The following ADAM18 variants were observed in gnomAD, a reference collection of about 807,000 sequenced individuals.
ADAM18 encodes the protein ADAM metallopeptidase domain 18.
A neutral mutation model predicts 94.4 loss-of-function variants in ADAM18; 117 were observed. The observed-to-expected ratio is 1.24, with a 90% CI of 1.07 to 1.45. ADAM18 has a LOEUF of 1.45. Among genes scored for constraint, ADAM18 ranks in the 40% most tolerant of loss-of-function variants. The probability of loss-of-function intolerance (pLI) is 0.00; values close to 1 mark genes in which losing one functional copy is unlikely to be tolerated. For synonymous variants in ADAM18, 327 were observed against 291.6 expected, an observed-to-expected ratio of 1.12 and a Z score of -1.24; for missense variants, 936 against 880.0, an observed-to-expected ratio of 1.06 and a Z score of -0.81.
At chr8:39,637,174 A>G (rs943593819) in intron 7 of ADAM18, 90 bp from the exon 8 acceptor site, 47 of 980,538 alleles carry the variant, frequency 4.8e-5, no homozygotes, top group Non-Finnish European at 6.5e-5. Flanking sequence ...GCTCTAGATT[A>G]CTTATAATAT....
intron 10 of ADAM18, among the ~76,000 whole-genome samples, chr8:39,644,703 A>G (rs573864354): frequency 9.2e-5 from 14 of 152,288 alleles, no homozygotes; most frequent in African/African-American, 3.1e-4. Flanking sequence ...CTATACGTAT[A>G]CATAATGTTG....
chr8:39,677,835 G>A (rs553550610), intron 15 of ADAM18, among the ~76,000 whole-genome samples: 58 of 152,256 alleles, frequency 3.8e-4, no homozygotes, highest in African/African-American at 1.3e-3. Context: ...TTTGTATTAA[G>A]TCTATAAATA....
intron 17 of ADAM18, among the ~76,000 whole-genome samples, chr8:39,698,893 C>T (rs1821993680): frequency 6.6e-6 from 1 of 151,968 alleles, no homozygotes; most frequent in African/African-American, 2.4e-5. Context: ...TCTTTATCTC[C>T]TCAGCATCAA....
chr8:39,620,438 A>C (rs1243679758), intron 6 of ADAM18, among the ~76,000 whole-genome samples: 1 of 149,194 alleles, frequency 6.7e-6, no homozygotes, highest in East Asian at 1.9e-4. Context: ...CCAACCAACC[A>C]AACAAAAACA....
intron 19 of ADAM18, among the ~76,000 whole-genome samples, chr8:39,729,190 T>G (rs1383162680): frequency 2.6e-5 from 4 of 152,134 alleles, no homozygotes; most frequent in Non-Finnish European, 5.9e-5. Flanking sequence ...ATACATATTA[T>G]TCAATGAGGA....
intron 17 of ADAM18, among the ~76,000 whole-genome samples, chr8:39,705,463 T>G (rs1235697968): frequency 6.6e-6 from 1 of 152,070 alleles, no homozygotes; most frequent in East Asian, 1.9e-4. Flanking sequence ...GCCAGATCAC[T>G]CCTGTAATCC....
chr8:39,606,211 AATAG>A (rs1191377669), intron 2 of ADAM18, 92 bp from the exon 3 acceptor site: 97 of 663,864 alleles, frequency 1.5e-4, no homozygotes, highest in Admixed American at 2.8e-4. Flanking sequence ...GTTCATTTTT[AATAG>A]ATAGACTCTT....
chr8:39,630,205 T>A (rs1819894059), intron 7 of ADAM18, among the ~76,000 whole-genome samples: 1 of 151,824 alleles, frequency 6.6e-6, no homozygotes, highest in Non-Finnish European at 1.5e-5. Context: ...CACTTCTGGT[T>A]TTAAATGTAT....
At chr8:39,637,935 T>A (rs1820130713) in intron 9 of ADAM18, among the ~76,000 whole-genome samples, 1 of 152,026 alleles carries the variant, frequency 6.6e-6, no homozygotes, top group East Asian at 1.9e-4. Flanking sequence ...AACCTGCATT[T>A]CATGAACTTC....
chr8:39,640,349 A>G (rs1820203038), intron 10 of ADAM18, among the ~76,000 whole-genome samples: 1 of 152,104 alleles, frequency 6.6e-6, no homozygotes, highest in Admixed American at 6.6e-5. Context: ...GTCCCTGCAA[A>G]GGACATAATC....
chr8:39,685,941 G>A (rs895055354), intron 16 of ADAM18, among the ~76,000 whole-genome samples: 1 of 151,930 alleles, frequency 6.6e-6, no homozygotes, highest in Admixed American at 6.6e-5. Flanking sequence ...TCATTTTCCG[G>A]TACCTTGGTC....
intron 2 of ADAM18, among the ~76,000 whole-genome samples, chr8:39,594,407 T>C (rs1352181545): frequency 6.6e-6 from 1 of 152,162 alleles, no homozygotes; most frequent in Non-Finnish European, 1.5e-5. Context: ...TTCCCCTCTA[T>C]GTTTTTTGTT....
intron 17 of ADAM18, among the ~76,000 whole-genome samples, chr8:39,697,665 A>T (rs1821963816): frequency 6.6e-6 from 1 of 151,716 alleles, no homozygotes; most frequent in Non-Finnish European, 1.5e-5. Context: ...TATTTCTGTT[A>T]AAAATTTTCC....
chr8:39,673,366 C>T (rs145061408), intron 14 of ADAM18, among the ~76,000 whole-genome samples: 12 of 152,204 alleles, frequency 7.9e-5, no homozygotes, highest in African/African-American at 2.4e-4. Context: ...ATGTGCACAA[C>T]GTGCAGGTTT....
intron 6 of ADAM18, among the ~76,000 whole-genome samples, chr8:39,626,082 A>C (rs958577364): frequency 6.6e-6 from 1 of 152,126 alleles, no homozygotes; most frequent in Non-Finnish European, 1.5e-5. Context: ...TTAGTGACTC[A>C]ATCTCACTGA....
intron 2 of ADAM18, among the ~76,000 whole-genome samples, chr8:39,586,657 T>C (rs1818401485): frequency 6.6e-6 from 1 of 152,086 alleles, no homozygotes; most frequent in Non-Finnish European, 1.5e-5. Flanking sequence ...AGCCCAGCGG[T>C]TGGAGGCTGC....
Position 39,660,084 on chromosome 8 carries a change from C to T in ADAM18, c.1231-3711C>T, listed in dbSNP as rs7813324. On this transcript the variant is annotated intron_variant, in intron 12 of 19. Transcript: ENST00000265707. ...TATGTAAGCCTTATGATAACCACAACGCAAAAAACTATGGCAGGTGCACAA... is the reference window on the plus strand; with the variant it reads ...TATGTAAGCCTTATGATAACCACAATGCAAAAAACTATGGCAGGTGCACAA... Among the ~76,000 whole-genome samples the T allele has an allele frequency of 6.0e-3, 915 of 151,856 alleles. 5 individuals are homozygous for T. The highest frequency in any genetic ancestry group is 0.021 in the African/African-American group (869 of 41,440).
chr8:39,586,378 T>C (rs1208462901), intron 2 of ADAM18, among the ~76,000 whole-genome samples: 1 of 152,226 alleles, frequency 6.6e-6, no homozygotes, highest in Admixed American at 6.5e-5. Flanking sequence ...TGTTAGCATG[T>C]AGAGTCTAAT....
At chr8:39,616,036 T>C (rs1488986783) in intron 6 of ADAM18, among the ~76,000 whole-genome samples, 1 of 152,116 alleles carries the variant, frequency 6.6e-6, no homozygotes, top group African/African-American at 2.4e-5. Flanking sequence ...CACAAAACAT[T>C]GCTGAAAGAA....
Sources: gnomAD v4.1 joint callset for allele counts (sites outside exome capture counted in the v4.1 genomes callset) on GRCh38, gnomAD v4.1.1 for gene constraint, MANE v1.5 for transcripts, NCBI Gene and HGNC (gene_info 2026-07-23, HGNC 2026-07-21) for gene names.